Variants in CD226 observed in about 807,000 individuals in gnomAD.
The protein encoded by CD226 is CD226 antigen.
In CD226, 24 loss-of-function variants were observed where a neutral mutation model predicts 34.9. The observed-to-expected ratio is 0.69, with a 90% CI of 0.50 to 0.97. The LOEUF (loss-of-function observed/expected upper bound fraction) is 0.97, where lower values mean the gene tolerates loss of function less well. Among genes scored for constraint, CD226 ranks in the 50% least tolerant of loss-of-function variants. CD226 has a pLI of 0.00. For missense variants in CD226, 397 were observed against 412.7 expected (o/e 0.96, Z 0.33); for synonymous variants, 148 against 147.4 (o/e 1.00, Z -0.03).
rs1193113117 is a variant in CD226, at chr18:69,855,269, A to G, written c.*9045T>C. The G allele has an allele frequency of 6.6e-6, 1 of 152,226 alleles. No individual in the cohort carries two copies. The highest frequency in any genetic ancestry group is 1.5e-5 in the Non-Finnish European group (1 of 68,040). The allele number at this position is 152,226 out of a possible 1,614,324, so 9.4% of individuals were successfully genotyped here. On this transcript the variant is annotated 3_prime_UTR_variant, in exon 6 of 6. Coordinates refer to ENST00000582621, the MANE Select transcript of CD226 (RefSeq NM_001303618.2). ...TAATATGTTAAGAGCTCTCATGAAA[A>G]AAATAGACAACAGATGGATAATGTA...
chr18:69,901,551 T>C (rs1393017359), intron 2 of CD226, among the ~76,000 whole-genome samples: 1 of 152,176 alleles, frequency 6.6e-6, no homozygotes, highest in Non-Finnish European at 1.5e-5. Flanking sequence ...TCTATTTTTG[T>C]ATATGTTTGA....
At chr18:69,919,922 T>C (rs1050973829) in intron 2 of CD226, among the ~76,000 whole-genome samples, 2 of 151,280 alleles carry the variant, frequency 1.3e-5, no homozygotes, top group Admixed American at 6.6e-5. Context: ...CTATTGCCCA[T>C]GAGCAATCAC....
chr18:69,922,000 G>A (rs540876511), intron 2 of CD226, among the ~76,000 whole-genome samples: 5 of 151,966 alleles, frequency 3.3e-5, no homozygotes, highest in Admixed American at 3.3e-4. Flanking sequence ...TAGGGACCTC[G>A]TTATTACCAG....
chr18:69,931,007 G>C (rs1281058517), intron 2 of CD226, among the ~76,000 whole-genome samples: 2 of 152,126 alleles, frequency 1.3e-5, no homozygotes, highest in East Asian at 3.8e-4. Context: ...CGATAGACTG[G>C]ATTAAGAAAA....
rs139259703 is a variant in CD226, at chr18:69,895,747, G to A, written c.681C>T (p.Ser227=). 787 of 1,614,090 alleles carry A rather than the reference G, an allele frequency of 4.9e-4. 6 individuals carry two copies. The African/African-American group carries it at 9.0e-3, about 19-fold the overall frequency. Residue 227 remains serine (S), a synonymous_variant, in exon 3 of 6, where the codon AGC becomes AGT. Transcript: ENST00000582621. ...SGLYRCYLQA[S]AGENETFVMR... ...TCACGAAGGTTTCGTTTTCTCCTGC[G>A]CTGGCCTGCAAGTAGCAGCGGTAAA...
At chr18:69,886,854 A>AG (rs1984586081) in intron 3 of CD226, among the ~76,000 whole-genome samples, 1 of 152,234 alleles carries the variant, frequency 6.6e-6, no homozygotes, top group South Asian at 2.1e-4. Context: ...AAATTCAGCA[A>AG]GCCTTAGGCT....
chr18:69,956,447 G>A (rs1030949219), intron 1 of CD226, among the ~76,000 whole-genome samples: 3 of 152,132 alleles, frequency 2.0e-5, no homozygotes, highest in Non-Finnish European at 2.9e-5. Context: ...ACCAGATGCC[G>A]GTAAAATTAG....
intron 2 of CD226, among the ~76,000 whole-genome samples, chr18:69,927,670 T>G (rs989212426): frequency 6.6e-6 from 1 of 152,242 alleles, no homozygotes; most frequent in Non-Finnish European, 1.5e-5. Context: ...TTTGGAATAA[T>G]GTCCCCAGGG....
At chr18:69,929,081 T>A (rs1003048114) in intron 2 of CD226, among the ~76,000 whole-genome samples, 1 of 152,090 alleles carries the variant, frequency 6.6e-6, no homozygotes, top group African/African-American at 2.4e-5. Context: ...GGTATTACAA[T>A]AGGGAAGAGT....
intron 2 of CD226, among the ~76,000 whole-genome samples, chr18:69,937,840 T>C (rs2055673832): frequency 6.6e-6 from 1 of 152,178 alleles, no homozygotes; most frequent in Non-Finnish European, 1.5e-5. Flanking sequence ...TTAGAATCCC[T>C]TTCATCATAG....
chr18:69,917,118 T>A (rs190716920), intron 2 of CD226, among the ~76,000 whole-genome samples: 2 of 152,348 alleles, frequency 1.3e-5, no homozygotes, highest in East Asian at 3.9e-4. Context: ...ATTCTCTATA[T>A]ACATTACATA....
intron 2 of CD226, among the ~76,000 whole-genome samples, chr18:69,914,740 T>C (rs1054986158): frequency 2.0e-5 from 3 of 152,176 alleles, no homozygotes; most frequent in Admixed American, 1.3e-4. Flanking sequence ...ACCTACTATA[T>C]TTAAGACAAT....
rs1175413376 is a variant in CD226, at chr18:69,862,409, TTTGA to T, written c.*1901_*1904del. On this transcript the variant is annotated 3_prime_UTR_variant, in exon 6 of 6. Coordinates refer to ENST00000582621, the MANE Select transcript of CD226 (RefSeq NM_001303618.2). The stretch of plus-strand genomic sequence containing the variant: ...AACCAATAAATTCACTCACAGAATC[TTTGA>T]TTGATCTGATAGTAGAGTGCTTTCT... The T allele has an allele frequency of 2.6e-5, 4 of 152,182 alleles. No homozygotes were observed. The highest frequency in any genetic ancestry group is 4.8e-5 in the African/African-American group (2 of 41,470). The allele number at this position is 152,182 out of a possible 1,614,324, so 9.4% of individuals were successfully genotyped here.
At chr18:69,888,928 A>AT (rs1568171027) in intron 3 of CD226, among the ~76,000 whole-genome samples, 1 of 152,240 alleles carries the variant, frequency 6.6e-6, no homozygotes, top group Non-Finnish European at 1.5e-5. Context: ...AATAGTATGT[A>AT]TAAAAAATGA....
intron 2 of CD226, among the ~76,000 whole-genome samples, chr18:69,923,808 G>A (rs1393896041): frequency 6.6e-6 from 1 of 152,094 alleles, no homozygotes; most frequent in East Asian, 1.9e-4. Flanking sequence ...CAAAAAATTA[G>A]CCGGGCGTAG....
At chr18:69,902,410 T>C (rs568978585) in intron 2 of CD226, among the ~76,000 whole-genome samples, 2 of 152,170 alleles carry the variant, frequency 1.3e-5, no homozygotes, top group South Asian at 4.1e-4. Context: ...ACTGCAAATG[T>C]CATCAGTGTT....
intron 2 of CD226, among the ~76,000 whole-genome samples, chr18:69,923,676 G>A (rs904865370): frequency 4.6e-5 from 7 of 152,298 alleles, no homozygotes; most frequent in Middle Eastern, 3.4e-3. Context: ...AAATCAGGCC[G>A]GGCGCGGTGG....
upstream of CD226, among the ~76,000 whole-genome samples, chr18:69,951,198 T>C (rs2055851416): frequency 1.3e-5 from 2 of 152,066 alleles, no homozygotes; most frequent in South Asian, 4.1e-4. Context: ...TTGGAGCTTC[T>C]GGACTCATGT....
intron 2 of CD226, among the ~76,000 whole-genome samples, chr18:69,908,505 A>C (rs191679599): frequency 1.1e-4 from 17 of 152,346 alleles, no homozygotes; most frequent in Non-Finnish European, 2.4e-4. Flanking sequence ...GATGATGAAC[A>C]GTGTTCTTAA....
Sources: allele counts gnomAD v4.1 joint callset (sites outside exome capture counted in the v4.1 genomes callset), GRCh38; gene constraint gnomAD v4.1.1; transcripts MANE v1.5; gene names NCBI Gene and HGNC (gene_info 2026-07-23, HGNC 2026-07-21).